The following EIF4G2 variants were observed in gnomAD, a reference collection of about 807,000 sequenced individuals.
EIF4G2 encodes the protein eukaryotic translation initiation factor 4 gamma 2.
In EIF4G2, 8 loss-of-function variants were observed where a neutral mutation model predicts 117.7. That is an observed-to-expected ratio of 0.07 (90% CI 0.04 to 0.12). The LOEUF is 0.12. Ranked by LOEUF, EIF4G2 falls within the 10% of genes least tolerant of loss-of-function variation. The probability of loss-of-function intolerance (pLI) is 1.00; values close to 1 mark genes in which losing one functional copy is unlikely to be tolerated. For missense variants in EIF4G2, 812 were observed against 1,086.2 expected (o/e 0.75, Z 3.55); for synonymous variants, 413 against 367.8 (o/e 1.12, Z -1.41).
In EIF4G2 at chr11:10,806,414, C is replaced by A. The variant is rs187904640; in HGVS notation, c.108-367G>T. ...CTGATCTCAAACTCTTGGGTTCAAGCGACCCTCCCACCTTTGCCTCCCAAA... is the reference window on the plus strand; with the variant it reads ...CTGATCTCAAACTCTTGGGTTCAAGAGACCCTCCCACCTTTGCCTCCCAAA... On this transcript the variant is annotated intron_variant, in intron 3 of 21. Transcript: ENST00000339995. The A allele has an allele frequency of 1.5e-3, 465 of 317,214 alleles. 6 individuals are homozygous for A. The highest frequency in any genetic ancestry group is 8.8e-3 in the African/African-American group (421 of 47,678). 19.6% of individuals were successfully genotyped at this position (317,214 alleles called of 1,614,324 possible). A position where few individuals can be genotyped will look rare whatever the true frequency, so the allele number is the denominator to read the frequency against.
chr11:10,804,284 T>C lies in EIF4G2; in HGVS notation c.483+3A>G. 1 of 1,613,704 alleles carries C rather than the reference T, an allele frequency of 6.2e-7. No homozygotes were observed. The highest frequency in any genetic ancestry group is 1.1e-5 in the South Asian group (1 of 91,056). On this transcript the variant is annotated splice_donor_region_variant and intron_variant, in intron 6 of 21. Transcript: ENST00000339995. ...AAACAAGCAAACAAAAACTACCACT[T>C]ACGGTGCTTTGCTTCTGTCCTGGTT... is the stretch of plus-strand genomic sequence containing the variant.
At chr11:10,801,290 T>C (rs576279851) in intron 14 of EIF4G2, 3 of 647,500 alleles carry the variant, frequency 4.6e-6, no homozygotes, top group East Asian at 2.8e-5. Context: ...TAAGATACTA[T>C]TATAAATCTT....
At chr11:10,807,997 G>A (rs1410795400) in intron 1 of EIF4G2, 2 of 1,043,516 alleles carry the variant, frequency 1.9e-6, no homozygotes, top group Non-Finnish European at 1.2e-6. Context: ...TTAGGGAAGT[G>A]CTTCCGACAA....
chr11:10,798,775 G>A (rs1436338431), intron 21 of EIF4G2: 7 of 499,986 alleles, frequency 1.4e-5, no homozygotes, highest in East Asian at 3.4e-5. Context: ...TCCTTGAAAA[G>A]TTAGCTACCT....
chr11:10,804,104 A>G lies in EIF4G2; in HGVS notation c.550+33T>C, dbSNP rs1847496181. 4.3e-6 allele frequency: 7 copies of G among 1,613,226 alleles called. No individual in the cohort carries two copies. The East Asian group carries it at 1.6e-4, about 36-fold the overall frequency. On this transcript the variant is annotated intron_variant, in intron 7 of 21. Coordinates refer to ENST00000339995, the MANE Select transcript of EIF4G2 (RefSeq NM_001418.4). ...ACATTCAGAATTAAGCTGAAAATAT[A>G]CAGTAGTACTTATTATCAGCTATAA...
At position 10,808,266 on chromosome 11, in the gene EIF4G2, G is replaced by C. The variant is rs529999498; in HGVS notation, c.-87+439C>G. ...GAAGGGCAGCCCCTGCCGACTCCAG[G>C]TCCTACACACCTCCCCGCCGGGAGG... is the stretch of plus-strand genomic sequence containing the variant. On this transcript the variant is annotated intron_variant, in intron 1 of 21. Transcript: ENST00000339995. The C allele has an allele frequency of 3.1e-5, 38 of 1,207,700 alleles. No individual in the cohort carries two copies. The African/African-American group carries it at 5.7e-4, about 18-fold the overall frequency. 74.8% of individuals were successfully genotyped at this position (1,207,700 alleles called of 1,614,324 possible).
In EIF4G2 at chr11:10,802,313, A is replaced by T; in HGVS notation, c.1119T>A (p.Asp373Glu). Residue 373 changes from aspartate to glutamate, a missense_variant, in exon 12 of 22, where the codon GAT becomes GAA. Around this residue, in one of 4 missense-constraint regions of EIF4G2, gnomAD observed 571 missense variants for 642.3 expected, o/e 0.89. Transcript: ENST00000339995. ...AATTACCTGGCATTTGTCCAAACAT[A>T]TCAGCAAGTCCTCCAAGTGGGTCCC... The T allele has an allele frequency of 6.2e-7, 1 of 1,613,504 alleles. No homozygotes were observed. The highest frequency in any genetic ancestry group is 8.5e-7 in the Non-Finnish European group (1 of 1,179,800).
intron 11 of EIF4G2, 84 bp from the exon 12 acceptor site, chr11:10,802,519 A>T: frequency 2.1e-6 from 3 of 1,432,748 alleles, no homozygotes; most frequent in Non-Finnish European, 2.8e-6. Flanking sequence ...AGGGGGGGAA[A>T]CCTAGAATAT....
rs1455139958 is a variant in EIF4G2, at chr11:10,803,867, C to T, written c.702+32G>A. 3 of 1,594,946 alleles carry T rather than the reference C, an allele frequency of 1.9e-6. No homozygotes were observed. The Admixed American group carries it at 5.2e-5, about 27-fold the overall frequency. Reference sequence around the variant, plus strand: ...TGACTCATTTCCTCCAAACGACTGACTACATTCGCCTAACTTCCCTGTCAC... The same window carrying T: ...TGACTCATTTCCTCCAAACGACTGATTACATTCGCCTAACTTCCCTGTCAC... On this transcript the variant is annotated intron_variant, in intron 8 of 21. Coordinates refer to ENST00000339995, the MANE Select transcript of EIF4G2 (RefSeq NM_001418.4). The surrounding 1 kb of genome is among the most constrained non-coding windows in gnomAD (Gnocchi z 4.0).
rs1226226526 is a variant in EIF4G2 at position 10,797,601 on chromosome 11, CATT to C, written c.*212_*214del. 1 of 566,220 alleles carries C rather than the reference CATT, an allele frequency of 1.8e-6. No individual in the cohort carries two copies. Among genetic ancestry groups the C allele is most frequent in the Non-Finnish European group, 3.1e-6 (1 of 318,906 alleles). 35.1% of individuals were successfully genotyped at this position (566,220 alleles called of 1,614,324 possible). A position where few individuals can be genotyped will look rare whatever the true frequency, so the allele number is the denominator to read the frequency against. ...GCATGCTGCTAATATACTATCTAAA[CATT>C]AAAGATACTCCTAAAATATTTGATG... On this transcript the variant is annotated 3_prime_UTR_variant, in exon 22 of 22. Coordinates refer to ENST00000339995, the MANE Select transcript of EIF4G2 (RefSeq NM_001418.4). This position sits in a 1 kb window ranked among gnomAD's most constrained non-coding sequence, Gnocchi z 4.5.
intron 3 of EIF4G2, chr11:10,806,366 G>A: frequency 2.7e-6 from 1 of 371,654 alleles, no homozygotes; most frequent in East Asian, 5.5e-5. Context: ...TTTAAGAGAT[G>A]GGGTCTTGCT....
chr11:10,800,003 T>A, intron 18 of EIF4G2, 87 bp downstream of exon 18: 4 of 1,441,190 alleles, frequency 2.8e-6, no homozygotes, highest in Non-Finnish European at 3.8e-6. Context: ...AATCAGACTG[T>A]CTGACCTACA....
chr11:10,801,534 GA>G (rs746932832), intron 14 of EIF4G2, 126 bp downstream of exon 14: 1 of 909,988 alleles, frequency 1.1e-6, no homozygotes. Context: ...AAGAAGTATA[GA>G]AAAGAGAGAA....
intron 1 of EIF4G2, 161 bp downstream of exon 1, chr11:10,808,544 C>G (rs573039498): frequency 1.1e-4 from 130 of 1,152,292 alleles, no homozygotes; most frequent in Non-Finnish European, 1.4e-4. Flanking sequence ...GAACAAAAGC[C>G]AAGACTTTCC....
At chr11:10,807,982 G>T (rs1391044913) in intron 1 of EIF4G2, 1 of 1,028,396 alleles carries the variant, frequency 9.7e-7, no homozygotes, top group Non-Finnish European at 1.2e-6. Flanking sequence ...CCACCCAGGC[G>T]CAAGTTAGGG....
In EIF4G2 at chr11:10,806,876, CGAA is replaced by C; in HGVS notation, c.48_50del (p.Ser17del). On this transcript the variant is annotated inframe_deletion, in exon 3 of 22. Coordinates refer to ENST00000339995, the MANE Select transcript of EIF4G2 (RefSeq NM_001418.4). ...GTGCACCCCTACTTCCTCCTCCGCC[CGAA>C]GAAGCACTATTTAAAAGAAAAAAAT... The C allele has an allele frequency of 6.2e-7, 1 of 1,614,064 alleles. No homozygotes were observed. The highest frequency in any genetic ancestry group is 8.5e-7 in the Non-Finnish European group (1 of 1,179,996).
At chr11:10,800,400 G>GT (rs1564981166) in intron 17 of EIF4G2, 32 bp downstream of exon 17, 1 of 1,613,170 alleles carries the variant, frequency 6.2e-7, no homozygotes, top group South Asian at 1.1e-5. Context: ...AGTGGTAAGA[G>GT]TTCTTACCAC....
chr11:10,807,027 G>C, intron 2 of EIF4G2, 142 bp from the exon 3 acceptor site: 1 of 1,141,160 alleles, frequency 8.8e-7, no homozygotes, highest in Non-Finnish European at 1.3e-6. Context: ...CTGTATTTTA[G>C]TGCTTGTATA....
intron 2 of EIF4G2, 171 bp downstream of exon 2, chr11:10,807,084 T>C: frequency 8.4e-7 from 1 of 1,194,162 alleles, no homozygotes; most frequent in Non-Finnish European, 1.2e-6. Context: ...GAAAGGCAAA[T>C]AATTGATTTT....
Sources: gnomAD v4.1 joint callset for allele counts on GRCh38, gnomAD v4.1.1 for gene constraint, gnomAD v4.1.1 regional missense constraint, Gnocchi (gnomAD v3.1) non-coding constraint, MANE v1.5 for transcripts, NCBI Gene and HGNC (gene_info 2026-07-23, HGNC 2026-07-21) for gene names.